Variants in RSPO2 observed in about 807,000 individuals in gnomAD.
RSPO2 encodes R-spondin 2, also known as R-spondin-2.
Under a neutral mutation model 30.9 loss-of-function variants are expected in RSPO2, and 14 were observed. That is an observed-to-expected ratio of 0.45 (90% CI 0.30 to 0.71). The LOEUF (loss-of-function observed/expected upper bound fraction) is 0.71, where lower values mean the gene tolerates loss of function less well. Ranked by LOEUF, RSPO2 falls within the 30% of genes least tolerant of loss-of-function variation. RSPO2 has a pLI of 0.08. For missense variants in RSPO2, 264 were observed against 301.9 expected (o/e 0.87, Z 0.93); for synonymous variants, 107 against 96.4 (o/e 1.11, Z -0.64).
chr8:107,926,314 T>C (rs1447699904), intron 5 of RSPO2, among the ~76,000 whole-genome samples: 3 of 152,184 alleles, frequency 2.0e-5, no homozygotes, highest in African/African-American at 7.2e-5. Flanking sequence ...CTTTGTCATA[T>C]GAGTAGATTG....
chr8:108,069,822 AGAT>A lies in RSPO2; in HGVS notation c.94+12720_94+12722del, dbSNP rs371184888. Among the ~76,000 whole-genome samples the A allele has an allele frequency of 2.9e-3, 436 of 152,342 alleles. 1 individual carries two copies. The highest frequency in any genetic ancestry group is 8.3e-3 in the African/African-American group (345 of 41,582). On this transcript the variant is annotated intron_variant, in intron 2 of 5. Transcript: ENST00000276659. ...AAATGTAACTCACGAAAGTAACTTA[AGAT>A]GATATACTTGCATTTCTCTACCTTG...
intron 2 of RSPO2, among the ~76,000 whole-genome samples, chr8:108,051,777 C>T (rs1028766709): frequency 2.6e-5 from 4 of 152,236 alleles, no homozygotes; most frequent in African/African-American, 4.8e-5. Flanking sequence ...TGACTCCCAT[C>T]TGGGACTCCA....
intron 2 of RSPO2, among the ~76,000 whole-genome samples, chr8:108,047,773 C>T (rs1811948993): frequency 6.6e-6 from 1 of 151,720 alleles, no homozygotes. Context: ...ATTGCTTGAA[C>T]CCGGGAGGCA....
At chr8:108,039,218 A>G (rs761407121) in intron 2 of RSPO2, among the ~76,000 whole-genome samples, 2 of 152,304 alleles carry the variant, frequency 1.3e-5, no homozygotes, top group Non-Finnish European at 2.9e-5. Context: ...ACACTTTAAT[A>G]ATCTGGAAAA....
chr8:107,969,386 G>A (rs1277607907), intron 3 of RSPO2, among the ~76,000 whole-genome samples: 1 of 152,096 alleles, frequency 6.6e-6, no homozygotes, highest in East Asian at 1.9e-4. Context: ...TGTCACAACA[G>A]TTCACTTTTT....
At chr8:107,981,223 A>T (rs1273279524) in intron 3 of RSPO2, among the ~76,000 whole-genome samples, 2 of 152,128 alleles carry the variant, frequency 1.3e-5, no homozygotes, top group African/African-American at 2.4e-5. Flanking sequence ...AAATTACATT[A>T]TTCAAGAATG....
chr8:107,948,865 A>AT (rs1461269007), intron 5 of RSPO2, among the ~76,000 whole-genome samples: 168 of 118,556 alleles, frequency 1.4e-3, no homozygotes, highest in African/African-American at 4.1e-3. Flanking sequence ...ATCTCAAAAA[A>AT]AAAATAAATA....
chr8:108,023,750 T>A (rs1811121886), intron 2 of RSPO2, among the ~76,000 whole-genome samples: 2 of 152,178 alleles, frequency 1.3e-5, no homozygotes, highest in South Asian at 4.1e-4. Context: ...ATACATTGTC[T>A]CTAAGGCTAC....
Position 108,044,799 on chromosome 8 carries a change from C to A in RSPO2, c.94+37746G>T, listed in dbSNP as rs183465422. Among the ~76,000 whole-genome samples, 7 of 152,214 alleles carry A rather than the reference C, an allele frequency of 4.6e-5. No individual in the cohort carries two copies. The East Asian group carries it at 1.4e-3, about 29-fold the overall frequency. Reference sequence around the variant, plus strand: ...ATCTCCAAACTGCTTTCCACAGTGGCTAAACTAATTTACACTCCCATCAGT... The same window carrying A: ...ATCTCCAAACTGCTTTCCACAGTGGATAAACTAATTTACACTCCCATCAGT... On this transcript the variant is annotated intron_variant, in intron 2 of 5. Transcript: ENST00000276659.
At chr8:108,072,492 A>ATTTTTTTT (rs71308776) in intron 2 of RSPO2, among the ~76,000 whole-genome samples, 1 of 122,660 alleles carries the variant, frequency 8.2e-6, no homozygotes, top group African/African-American at 3.2e-5. Context: ...AGCCCGGCTA[A>ATTTTTTTT]TTTTTTTTTT....
At chr8:107,921,720 A>G (rs1184025163) in intron 5 of RSPO2, among the ~76,000 whole-genome samples, 2 of 152,174 alleles carry the variant, frequency 1.3e-5, no homozygotes. Flanking sequence ...AATACTGGCA[A>G]ACTGAATCCA....
chr8:107,987,685 T>C (rs1449420664), intron 3 of RSPO2, among the ~76,000 whole-genome samples: 1 of 151,858 alleles, frequency 6.6e-6, no homozygotes, highest in East Asian at 1.9e-4. Flanking sequence ...CAGGTGAGAG[T>C]TCTTGTTCCC....
intron 5 of RSPO2, among the ~76,000 whole-genome samples, chr8:107,914,874 C>A (rs1274581680): frequency 6.6e-6 from 1 of 152,062 alleles, no homozygotes; most frequent in Non-Finnish European, 1.5e-5. Context: ...AAATTAAATT[C>A]CAGTAATACA....
intron 2 of RSPO2, among the ~76,000 whole-genome samples, chr8:107,991,817 A>C (rs1267415060): frequency 6.6e-6 from 1 of 152,210 alleles, no homozygotes; most frequent in East Asian, 1.9e-4. Flanking sequence ...AGAAATGCAA[A>C]TAAGAAATCA....
At chr8:108,042,032 C>T (rs1811775232) in intron 2 of RSPO2, among the ~76,000 whole-genome samples, 1 of 152,010 alleles carries the variant, frequency 6.6e-6, no homozygotes, top group Admixed American at 6.6e-5. Flanking sequence ...GGCCAAAGAA[C>T]AAGTGCATCT....
chr8:108,014,148 A>G (rs1810796859), intron 2 of RSPO2, among the ~76,000 whole-genome samples: 1 of 152,212 alleles, frequency 6.6e-6, no homozygotes, highest in Non-Finnish European at 1.5e-5. Context: ...AAGATACACC[A>G]TCTCACGCCA....
intron 5 of RSPO2, among the ~76,000 whole-genome samples, chr8:107,928,785 T>A (rs1812463005): frequency 6.6e-6 from 1 of 152,140 alleles, no homozygotes. Flanking sequence ...GTAGTTCCTA[T>A]GAGATAAAGT....
At chr8:107,961,311 G>T (rs940058224) in intron 3 of RSPO2, among the ~76,000 whole-genome samples, 2 of 149,390 alleles carry the variant, frequency 1.3e-5, no homozygotes, top group Non-Finnish European at 2.9e-5. Flanking sequence ...ACATTCATCA[G>T]AGGGTGACCT....
At chr8:107,914,673 C>T (rs1213801249) in intron 5 of RSPO2, among the ~76,000 whole-genome samples, 1 of 152,026 alleles carries the variant, frequency 6.6e-6, no homozygotes, top group East Asian at 1.9e-4. Context: ...AAATTAGTTA[C>T]CTATTTTCAT....
Sources: allele counts gnomAD v4.1 joint callset (sites outside exome capture counted in the v4.1 genomes callset), GRCh38; gene constraint gnomAD v4.1.1; transcripts MANE v1.5; gene names NCBI Gene and HGNC (gene_info 2026-07-23, HGNC 2026-07-21).